CCDC178: variants seen among roughly 807,000 people sequenced by gnomAD.
The protein encoded by CCDC178 is coiled-coil domain containing 178, also known as coiled-coil domain-containing protein 178.
CCDC178 carries 126 observed loss-of-function variants against 117.4 expected under a neutral mutation model. That is an observed-to-expected ratio of 1.07 (90% CI 0.93 to 1.24). The LOEUF is 1.24. CCDC178 is among the 50% of genes most tolerant of loss of function. CCDC178 has a pLI of 0.00. For missense variants in CCDC178, 1,030 were observed against 986.9 expected (o/e 1.04, Z -0.59); for synonymous variants, 283 against 313.4 (o/e 0.90, Z 1.02).
At chr18:33,426,914 GTTA>G (rs1368276099) in intron 2 of CCDC178, among the ~76,000 whole-genome samples, 1 of 152,050 alleles carries the variant, frequency 6.6e-6, no homozygotes, top group African/African-American at 2.4e-5. Flanking sequence ...CAAAGTTTGA[GTTA>G]TTGTTAATAA....
At chr18:33,424,003 T>C (rs1384700967) in intron 2 of CCDC178, among the ~76,000 whole-genome samples, 5 of 152,204 alleles carry the variant, frequency 3.3e-5, no homozygotes, top group African/African-American at 1.2e-4. Context: ...CAATTAATAA[T>C]AAACTACTTT....
At chr18:33,240,273 A>G (rs1446810074) in intron 15 of CCDC178, among the ~76,000 whole-genome samples, 1 of 151,832 alleles carries the variant, frequency 6.6e-6, no homozygotes, top group Non-Finnish European at 1.5e-5. Flanking sequence ...AAATGCATAC[A>G]CTACTTAGAA....
At chr18:33,350,856 C>T (rs1399265246) in intron 7 of CCDC178, among the ~76,000 whole-genome samples, 1 of 151,948 alleles carries the variant, frequency 6.6e-6, no homozygotes, top group African/African-American at 2.4e-5. Context: ...AACTGTTTCT[C>T]GGTATCTAAA....
chr18:33,032,180 T>C (rs1382021282), intron 21 of CCDC178, among the ~76,000 whole-genome samples: 1 of 152,150 alleles, frequency 6.6e-6, no homozygotes, highest in Non-Finnish European at 1.5e-5. Flanking sequence ...CATGGTTGTG[T>C]CTGCTTTATG....
chr18:33,329,962 T>G (rs1238495666), intron 10 of CCDC178, among the ~76,000 whole-genome samples: 1 of 150,602 alleles, frequency 6.6e-6, no homozygotes, highest in African/African-American at 2.4e-5. Flanking sequence ...TTTTTTTTTT[T>G]TTTTTTTGGT....
At chr18:33,432,721 G>A (rs2144974665) in intron 2 of CCDC178, among the ~76,000 whole-genome samples, 1 of 152,246 alleles carries the variant, frequency 6.6e-6, no homozygotes, top group East Asian at 1.9e-4. Context: ...TATTTATGAT[G>A]CTCTGTAAGA....
chr18:33,217,757 T>C (rs2059183382), intron 18 of CCDC178, among the ~76,000 whole-genome samples: 1 of 152,082 alleles, frequency 6.6e-6, no homozygotes. Context: ...ATTTTTGTCA[T>C]TGATTTCTGA....
chr18:33,205,780 A>C (rs1265046432), intron 20 of CCDC178, among the ~76,000 whole-genome samples: 5 of 152,302 alleles, frequency 3.3e-5, no homozygotes, highest in Admixed American at 3.3e-4. Flanking sequence ...CTGCAGCCTC[A>C]ACCTCCCGGG....
In CCDC178 at chr18:33,267,012, T is replaced by C; in HGVS notation, c.1313A>G (p.Asp438Gly). 6.2e-7 allele frequency: 1 copy of C among 1,600,626 alleles called. No individual in the cohort carries two copies. Among genetic ancestry groups the C allele is most frequent in the Non-Finnish European group, 8.5e-7 (1 of 1,176,160 alleles). Residue 438 changes from aspartate to glycine, a missense_variant, in exon 14 of 23, where the codon GAT becomes GGT. Transcript: ENST00000383096. ...WDIELSDVAK[D>G]FSAISLACTK... Reference sequence around the variant, plus strand: ...ACATGCCAAAGAAATAGCTGAAAAATCTTTTGCAACATCAGAAAGCTCAAT... The same window carrying C: ...ACATGCCAAAGAAATAGCTGAAAAACCTTTTGCAACATCAGAAAGCTCAAT...
chr18:33,367,377 ATTTAC>A (rs964504480), intron 6 of CCDC178, among the ~76,000 whole-genome samples: 5 of 152,034 alleles, frequency 3.3e-5, no homozygotes, highest in Non-Finnish European at 7.4e-5. Context: ...TATGATCTTT[ATTTAC>A]TTATTTGGAA....
chr18:33,307,749 C>G (rs565661794), intron 11 of CCDC178, among the ~76,000 whole-genome samples: 1 of 152,276 alleles, frequency 6.6e-6, no homozygotes, highest in East Asian at 1.9e-4. Flanking sequence ...GCCCTGCATC[C>G]CAGCTGCTTC....
intron 21 of CCDC178, among the ~76,000 whole-genome samples, chr18:33,088,142 A>G (rs1411365301): frequency 6.6e-6 from 1 of 151,894 alleles, no homozygotes; most frequent in Admixed American, 6.6e-5. Context: ...CACAACCTTT[A>G]GCATGGAAGC....
chr18:33,266,818 A>G, intron 14 of CCDC178, 98 bp downstream of exon 14: 2 of 1,188,346 alleles, frequency 1.7e-6, no homozygotes, highest in South Asian at 1.9e-5. Flanking sequence ...ATAAACAAAA[A>G]CACCACCATA....
At chr18:33,193,523 T>A (rs190506108) in intron 20 of CCDC178, among the ~76,000 whole-genome samples, 1 of 152,196 alleles carries the variant, frequency 6.6e-6, no homozygotes, top group Non-Finnish European at 1.5e-5. Context: ...TTAACTTTCC[T>A]AACTCCACAT....
intron 15 of CCDC178, among the ~76,000 whole-genome samples, chr18:33,242,383 CA>C (rs2059498326): frequency 6.6e-6 from 1 of 151,600 alleles, no homozygotes; most frequent in Non-Finnish European, 1.5e-5. Context: ...GCACAGGCAA[CA>C]AAAACAAAAA....
chr18:32,945,955 A>G (rs1046938704), intron 22 of CCDC178, among the ~76,000 whole-genome samples: 1 of 152,084 alleles, frequency 6.6e-6, no homozygotes, highest in Non-Finnish European at 1.5e-5. Flanking sequence ...CTGTGACTGA[A>G]TTATCTTTCT....
intron 7 of CCDC178, among the ~76,000 whole-genome samples, chr18:33,349,675 A>G (rs2062944928): frequency 6.6e-6 from 1 of 151,926 alleles, no homozygotes; most frequent in African/African-American, 2.4e-5. Flanking sequence ...AAGTTACAAG[A>G]AAATTGGTAT....
intron 22 of CCDC178, 79 bp downstream of exon 22, chr18:32,974,466 TTA>T (rs2054991206): frequency 7.5e-7 from 1 of 1,332,194 alleles, no homozygotes; most frequent in Non-Finnish European, 1.1e-6. Context: ...GGATATGGTT[TTA>T]ATGCTTCATC....
intron 12 of CCDC178, among the ~76,000 whole-genome samples, chr18:33,272,119 CA>C (rs1474771915): frequency 6.6e-6 from 1 of 151,038 alleles, no homozygotes; most frequent in Non-Finnish European, 1.5e-5. Context: ...TCAACAAAAC[CA>C]AAAGTTTGTT....
Sources: gnomAD v4.1 joint callset for allele counts (sites outside exome capture counted in the v4.1 genomes callset) on GRCh38, gnomAD v4.1.1 for gene constraint, MANE v1.5 for transcripts, NCBI Gene and HGNC (gene_info 2026-07-23, HGNC 2026-07-21) for gene names.